Variants in SEMA3A observed in about 807,000 individuals in gnomAD.
SEMA3A encodes the protein semaphorin-3A.
In SEMA3A, 29 loss-of-function variants were observed where a neutral mutation model predicts 97.9. The ratio of observed to expected loss-of-function variants is 0.30; its 90% CI spans 0.22 to 0.40. The LOEUF is 0.40. Ranked by LOEUF, SEMA3A falls within the 10% of genes least tolerant of loss-of-function variation. SEMA3A has a pLI of 1.00. For synonymous variants in SEMA3A, 321 were observed against 323.7 expected, an observed-to-expected ratio of 0.99 and a Z score of 0.09; for missense variants, 763 against 951.3, an observed-to-expected ratio of 0.80 and a Z score of 2.60.
rs114786032 is a variant in SEMA3A, at chr7:84,099,832, T to C, written c.453+10638A>G. Reference sequence around the variant, plus strand: ...TGATGTCACTACTGAACTTTTGCTATAGCCTCAAAAGAGGATGTTATGTAT... The same window carrying C: ...TGATGTCACTACTGAACTTTTGCTACAGCCTCAAAAGAGGATGTTATGTAT... On this transcript the variant is annotated intron_variant, in intron 4 of 16. Coordinates refer to ENST00000265362, the MANE Select transcript of SEMA3A (RefSeq NM_006080.3). 5.3e-3 allele frequency among the ~76,000 whole-genome samples: 801 copies of C among 152,254 alleles called. 4 individuals carry two copies. Among genetic ancestry groups the C allele is most frequent in the East Asian group, 0.017 (87 of 5,170 alleles).
At chr7:84,263,411 C>G (rs1233326148) in intron 3 of SEMA3A, among the ~76,000 whole-genome samples, 1 of 152,168 alleles carries the variant, frequency 6.6e-6, no homozygotes, top group Non-Finnish European at 1.5e-5. Context: ...ATATTGGCAA[C>G]AAGAGCTATG....
chr7:84,451,033 T>C (rs1805541241), intron 1 of SEMA3A, among the ~76,000 whole-genome samples: 1 of 152,224 alleles, frequency 6.6e-6, no homozygotes, highest in Non-Finnish European at 1.5e-5. Flanking sequence ...AGTTTGTGTT[T>C]GCTTTTGTTG....
At chr7:83,975,338 T>C (rs1241148276) in intron 15 of SEMA3A, among the ~76,000 whole-genome samples, 1 of 152,132 alleles carries the variant, frequency 6.6e-6, no homozygotes, top group African/African-American at 2.4e-5. Context: ...CAGCATAGTG[T>C]CCTACACATG....
At chr7:83,965,907 C>T (rs1371182220) in intron 15 of SEMA3A, among the ~76,000 whole-genome samples, 3 of 150,308 alleles carry the variant, frequency 2.0e-5, no homozygotes, top group Admixed American at 1.3e-4. Context: ...TCTCGATCTC[C>T]TGACCTCGTG....
intron 1 of SEMA3A, among the ~76,000 whole-genome samples, chr7:84,383,945 C>T (rs541973875): frequency 6.6e-6 from 1 of 152,198 alleles, no homozygotes; most frequent in African/African-American, 2.4e-5. Flanking sequence ...ACAGGTATCT[C>T]CTTTTTCCTG....
At chr7:84,254,258 T>C (rs1481943334) in intron 3 of SEMA3A, among the ~76,000 whole-genome samples, 2 of 152,138 alleles carry the variant, frequency 1.3e-5, no homozygotes, top group African/African-American at 4.8e-5. Context: ...GTCAAGGAAC[T>C]GAAAGGGCAG....
chr7:84,465,763 T>C (rs1234807538), intron 1 of SEMA3A, among the ~76,000 whole-genome samples: 3 of 152,164 alleles, frequency 2.0e-5, no homozygotes, highest in African/African-American at 7.2e-5. Context: ...CCTAAATATC[T>C]ACCAAATCTA....
chr7:84,233,486 C>T (rs552452751), intron 3 of SEMA3A, among the ~76,000 whole-genome samples: 1 of 151,894 alleles, frequency 6.6e-6, no homozygotes, highest in East Asian at 1.9e-4. Flanking sequence ...AATAAAATTT[C>T]ACAGGAAAAT....
intron 1 of SEMA3A, among the ~76,000 whole-genome samples, chr7:84,154,697 A>C (rs1019763282): frequency 6.6e-5 from 10 of 151,486 alleles, no homozygotes; most frequent in African/African-American, 1.9e-4. Flanking sequence ...AAAACAAAAA[A>C]AAAAAACAAA....
intron 1 of SEMA3A, among the ~76,000 whole-genome samples, chr7:84,468,408 G>A (rs1771773283): frequency 6.6e-6 from 1 of 152,214 alleles, no homozygotes; most frequent in Middle Eastern, 3.4e-3. Flanking sequence ...CTCCATAGCA[G>A]GTGCCTAGTT....
chr7:83,974,063 C>T lies in SEMA3A; in HGVS notation c.1717+3069G>A, dbSNP rs368763309. Reference sequence around the variant, plus strand: ...AATTTTGTACACAGCAATTATTTTACGGAAGGGAACAGATTGGAAACAACC... The same window carrying T: ...AATTTTGTACACAGCAATTATTTTATGGAAGGGAACAGATTGGAAACAACC... On this transcript the variant is annotated intron_variant, in intron 15 of 16. Transcript: ENST00000265362. Among the ~76,000 whole-genome samples, 22 of 152,104 alleles carry T rather than the reference C, an allele frequency of 1.4e-4. 1 individual carries two copies. Among genetic ancestry groups the T allele is most frequent in the African/African-American group, 4.6e-4 (19 of 41,512 alleles).
intron 2 of SEMA3A, among the ~76,000 whole-genome samples, chr7:84,328,653 C>A (rs193051601): frequency 2.0e-4 from 30 of 152,090 alleles, no homozygotes; most frequent in Non-Finnish European, 2.4e-4. Context: ...ATGAAAATGT[C>A]TTTTATTGTA....
chr7:84,294,218 T>G (rs1800816711), intron 3 of SEMA3A, among the ~76,000 whole-genome samples: 1 of 152,012 alleles, frequency 6.6e-6, no homozygotes, highest in Admixed American at 6.6e-5. Flanking sequence ...TTTCATGAAT[T>G]AATAGCAATT....
At chr7:84,165,379 C>T (rs1045041827) in intron 1 of SEMA3A, among the ~76,000 whole-genome samples, 2 of 151,860 alleles carry the variant, frequency 1.3e-5, no homozygotes, top group Non-Finnish European at 2.9e-5. Flanking sequence ...ATCATTATAA[C>T]TATGTAATTA....
At chr7:84,364,000 T>G (rs2116075629) in intron 2 of SEMA3A, among the ~76,000 whole-genome samples, 1 of 151,972 alleles carries the variant, frequency 6.6e-6, no homozygotes, top group East Asian at 1.9e-4. Context: ...AGCCAGATGT[T>G]ATGGAGATGT....
At chr7:84,434,258 T>C (rs1174970309) in intron 1 of SEMA3A, among the ~76,000 whole-genome samples, 1 of 147,526 alleles carries the variant, frequency 6.8e-6, no homozygotes, top group African/African-American at 2.6e-5. Context: ...CTAGAAAATA[T>C]AGAGGAAATG....
At position 84,114,288 on chromosome 7, in the gene SEMA3A, A is replaced by C. The variant is rs1163579997; in HGVS notation, c.334-3699T>G. On this transcript the variant is annotated intron_variant, in intron 3 of 16. Transcript: ENST00000265362. Reference sequence around the variant, plus strand: ...GGAGCAGTTAAATTTTACTCTAAGTAAGCGAAGAGAAAAGAAGAGAAGACT... The same window carrying C: ...GGAGCAGTTAAATTTTACTCTAAGTCAGCGAAGAGAAAAGAAGAGAAGACT... Among the ~76,000 whole-genome samples, 3 of 152,302 alleles carry C rather than the reference A, an allele frequency of 2.0e-5. No homozygotes were observed. The East Asian group carries it at 5.8e-4, about 29-fold the overall frequency.
At chr7:84,326,113 C>T (rs1349399476) in intron 2 of SEMA3A, among the ~76,000 whole-genome samples, 2 of 152,212 alleles carry the variant, frequency 1.3e-5, no homozygotes, top group East Asian at 3.9e-4. Context: ...TAATATCCCT[C>T]TGTGATCTGG....
chr7:84,383,790 A>G (rs1803328688), intron 1 of SEMA3A, among the ~76,000 whole-genome samples: 1 of 152,256 alleles, frequency 6.6e-6, no homozygotes, highest in Admixed American at 6.5e-5. Flanking sequence ...AAAGATCTCT[A>G]CATCTAAACC....
Sources: allele counts gnomAD v4.1 joint callset (sites outside exome capture counted in the v4.1 genomes callset), GRCh38; gene constraint gnomAD v4.1.1; transcripts MANE v1.5; gene names NCBI Gene and HGNC (gene_info 2026-07-23, HGNC 2026-07-21).